PDZD7: variants seen among roughly 807,000 people sequenced by gnomAD.
PDZD7 encodes the protein PDZ domain-containing protein 7.
In PDZD7, 72 loss-of-function variants were observed where a neutral mutation model predicts 84.7. The observed-to-expected ratio is 0.85, with a 90% CI of 0.70 to 1.03. PDZD7 has a LOEUF of 1.03. Among genes scored for constraint, PDZD7 ranks in the 50% least tolerant of loss-of-function variants. The pLI, the probability that PDZD7 is intolerant of heterozygous loss-of-function variation, is 0.00. For synonymous variants in PDZD7, 594 were observed against 580.7 expected, an observed-to-expected ratio of 1.02 and a Z score of -0.33; for missense variants, 1,490 against 1,412.9, an observed-to-expected ratio of 1.05 and a Z score of -0.87.
intron 3 of PDZD7, 149 bp from the exon 4 acceptor site, chr10:101,023,759 A>G (rs1853264401): frequency 7.0e-7 from 1 of 1,423,748 alleles, no homozygotes; most frequent in South Asian, 1.2e-5. Context: ...GTGCCTAGGG[A>G]TCTGTCCCTT....
intron 11 of PDZD7, among the ~76,000 whole-genome samples, chr10:101,012,737 CAGGCAGA>C (rs1367893687): frequency 1.3e-5 from 2 of 152,228 alleles, no homozygotes; most frequent in African/African-American, 4.8e-5. Context: ...CCCCACATCC[CAGGCAGA>C]AGGAAGGAAT....
At chr10:101,022,073 G>C (rs41291480) in intron 5 of PDZD7, 128 bp from the exon 6 acceptor site, 9 of 1,499,202 alleles carry the variant, frequency 6.0e-6, no homozygotes, top group Admixed American at 1.9e-5. Context: ...GGGGCCTCCC[G>C]CCCCCTCCCA....
chr10:101,014,015 AT>A (rs34909819), intron 11 of PDZD7, among the ~76,000 whole-genome samples: 101,901 of 140,808 alleles, frequency 0.72, 36,576 homozygotes, highest in Non-Finnish European at 0.75. Context: ...ATGCCCAGCT[AT>A]TTTTTTTTTT....
rs767620120 is a variant in PDZD7, at chr10:101,023,909, G to C, written c.367+19C>G. On this transcript the variant is annotated intron_variant, in intron 3 of 16. Coordinates refer to ENST00000619208, the MANE Select transcript of PDZD7 (RefSeq NM_001195263.2). Reference sequence around the variant, plus strand: ...AGTCACATCCTAAGCGTGGACTTCAGCCTGGGGGTTCTGCTTACCTGCACT... The same window carrying C: ...AGTCACATCCTAAGCGTGGACTTCACCCTGGGGGTTCTGCTTACCTGCACT... 19 of 1,614,102 alleles carry C rather than the reference G, an allele frequency of 1.2e-5. No individual in the cohort carries two copies. The South Asian group carries it at 2.1e-4, about 18-fold the overall frequency.
In PDZD7 at chr10:101,011,909, GC is replaced by G; in HGVS notation, c.1933+15del. On this transcript the variant is annotated intron_variant, in intron 13 of 16. Coordinates refer to ENST00000619208, the MANE Select transcript of PDZD7 (RefSeq NM_001195263.2). ...GCAGGGCTCAGGACCCAGAAGCCCC[GC>G]CCCCCACTGCTGACCTGCCCTGCTC... The G allele has an allele frequency of 6.5e-7, 1 of 1,549,672 alleles. No individual in the cohort carries two copies. The highest frequency in any genetic ancestry group is 2.4e-5 in the East Asian group (1 of 40,908).
rs1554835356 is a variant in PDZD7, at chr10:101,019,574, C to CTCT, written c.929-358_929-357insAGA. Among the ~76,000 whole-genome samples the CTCT allele has an allele frequency of 3.9e-3, 427 of 110,742 alleles. 5 individuals are homozygous for CTCT. The highest frequency in any genetic ancestry group is 0.017 in the Middle Eastern group (4 of 232). The allele number at this position is 110,742 out of a possible 152,430, so 72.7% of individuals were successfully genotyped here. On this transcript the variant is annotated intron_variant, in intron 7 of 16. Coordinates refer to ENST00000619208, the MANE Select transcript of PDZD7 (RefSeq NM_001195263.2). ...CCTCCTCCTCCTCCTCCTCCTCCTC[C>CTCT]TCCTCCTCCTCCTCTTCTTCTTCTT...
Position 101,016,553 on chromosome 10 carries a change from G to A in PDZD7, c.1523-126C>T, listed in dbSNP as rs1590054115. On this transcript the variant is annotated intron_variant, in intron 9 of 16. Transcript: ENST00000619208. ...AAGTAGGTGGGATAGGGAGGCAAGAGGCCTGGCCCTGAGGGGCTTGAAGGC... is the reference window on the plus strand; with the variant it reads ...AAGTAGGTGGGATAGGGAGGCAAGAAGCCTGGCCCTGAGGGGCTTGAAGGC... The A allele has an allele frequency of 4.0e-6, 4 of 996,868 alleles. No homozygotes were observed. The East Asian group carries it at 1.0e-4, about 26-fold the overall frequency. The allele number at this position is 996,868 out of a possible 1,614,324, so 61.8% of individuals were successfully genotyped here.
At chr10:101,015,445 T>C (rs1306302569) in intron 11 of PDZD7, among the ~76,000 whole-genome samples, 191 bp downstream of exon 11, 1 of 150,708 alleles carries the variant, frequency 6.6e-6, no homozygotes, top group African/African-American at 2.4e-5. Context: ...TTCTAGCTCT[T>C]CTTCCTGTGA....
At position 101,010,742 on chromosome 10, in the gene PDZD7, G is replaced by C. The variant is rs1256494174; in HGVS notation, c.2147C>G (p.Pro716Arg). ...GGCATCTACTGGCACGTCTTGTAGA[G>C]GGGGGATCCCTTTATGGGGGTGGCG... ...APRHPHKGIP[P>R]LQDVPVDAFT... Residue 716 changes from proline to arginine, a missense_variant, in exon 15 of 17, where the codon CCT becomes CGT. Physicochemically the swap from Pro to Arg is moderately radical, Grantham distance 103. Coordinates refer to ENST00000619208, the MANE Select transcript of PDZD7 (RefSeq NM_001195263.2). The C allele has an allele frequency of 4.8e-6, 7 of 1,468,018 alleles. No individual in the cohort carries two copies. The highest frequency in any genetic ancestry group is 6.3e-6 in the Non-Finnish European group (7 of 1,104,094). 90.9% of individuals were successfully genotyped at this position (1,468,018 alleles called of 1,614,324 possible).
intron 11 of PDZD7, 145 bp downstream of exon 11, chr10:101,015,488 GTGT>G (rs1445459879): frequency 1.3e-6 from 1 of 792,468 alleles, no homozygotes; most frequent in Non-Finnish European, 1.9e-6. Flanking sequence ...GTGTGTGTGT[GTGT>G]GACAGGAGTG....
intron 11 of PDZD7, among the ~76,000 whole-genome samples, chr10:101,013,819 G>A (rs1393705846): frequency 2.0e-5 from 3 of 151,558 alleles, no homozygotes; most frequent in East Asian, 1.9e-4. Flanking sequence ...CCTGGGGAGT[G>A]TACAGCGATC....
intron 7 of PDZD7, 93 bp from the exon 8 acceptor site, chr10:101,019,310 A>C (rs1357868767): frequency 2.7e-6 from 4 of 1,476,376 alleles, no homozygotes; most frequent in Non-Finnish European, 3.6e-6. Flanking sequence ...TGGAGGAGGC[A>C]AGGTCAGGCA....
In PDZD7 at chr10:101,017,834, GGAAGGAAAGAAAGAAA is replaced by G. The variant is rs1564632142; in HGVS notation, c.1522+249_1522+264del. 103 of 128,884 alleles carry G rather than the reference GGAAGGAAAGAAAGAAA, an allele frequency of 8.0e-4. 2 individuals carry two copies. The highest frequency in any genetic ancestry group is 4.9e-3 in the South Asian group (61 of 12,346). The allele number at this position is 128,884 out of a possible 1,614,324, so 8.0% of individuals were successfully genotyped here. A position where few individuals can be genotyped will look rare whatever the true frequency, so the allele number is the denominator to read the frequency against. Reference sequence around the variant, plus strand: ...GAAAGAAAGGAAAGAAAGGAAGGAAGGAAGGAAAGAAAGAAAGAAAGAAAGAAAGAAAGAAAGAAAG... The same window carrying G: ...GAAAGAAAGGAAAGAAAGGAAGGAAGGAAAGAAAGAAAGAAAGAAAGAAAG... On this transcript the variant is annotated intron_variant, in intron 9 of 16. Transcript: ENST00000619208.
intron 7 of PDZD7, among the ~76,000 whole-genome samples, chr10:101,019,591 CT>C: frequency 2.1e-5 from 3 of 146,060 alleles, no homozygotes; most frequent in African/African-American, 7.4e-5. Flanking sequence ...TCCTCCTCTT[CT>C]TCTTCTTCTT....
chr10:101,030,343 G>A lies in PDZD7; in HGVS notation c.-124C>T. On this transcript the variant is annotated 5_prime_UTR_variant, in exon 2 of 17. Transcript: ENST00000619208. ...GGGGCTGGGGTCTCAGTAACGTGAAGGCCCTCGCTTGCGATGCCTCTCAGA... is the reference window on the plus strand; with the variant it reads ...GGGGCTGGGGTCTCAGTAACGTGAAAGCCCTCGCTTGCGATGCCTCTCAGA... 1 of 837,308 alleles carries A rather than the reference G, an allele frequency of 1.2e-6. No individual in the cohort carries two copies. The highest frequency in any genetic ancestry group is 2.0e-6 in the Non-Finnish European group (1 of 508,822). The allele number at this position is 837,308 out of a possible 1,614,324, so 51.9% of individuals were successfully genotyped here.
At chr10:101,014,212 C>T (rs72838686) in intron 11 of PDZD7, among the ~76,000 whole-genome samples, 2 of 152,206 alleles carry the variant, frequency 1.3e-5, no homozygotes, top group Non-Finnish European at 2.9e-5. Context: ...AGATGGCTCA[C>T]ATGGGGAGAG....
intron 2 of PDZD7, among the ~76,000 whole-genome samples, chr10:101,029,653 A>G (rs1937951242): frequency 6.6e-6 from 1 of 152,178 alleles, no homozygotes; most frequent in Admixed American, 6.5e-5. Context: ...CACACAATGG[A>G]TCTGGAGAAG....
Position 101,019,070 on chromosome 10 carries a change from C to CG in PDZD7, c.1075dup (p.Arg359ProfsTer51), listed in dbSNP as rs1468614328. 1.9e-6 allele frequency: 3 copies of CG among 1,573,384 alleles called. No individual in the cohort carries two copies. The African/African-American group carries it at 4.0e-5, about 21-fold the overall frequency. ...GTCCGCCCGCCCCCAGCCTGGGCCG[C>CG]GGCTGCCGGGCTCCTCCTGCCCGAG... is the stretch of plus-strand genomic sequence containing the variant. On this transcript the variant is annotated frameshift_variant, in exon 8 of 17. Transcript: ENST00000619208. LOFTEE classifies it high-confidence loss of function.
intron 14 of PDZD7, 101 bp downstream of exon 14, chr10:101,011,589 C>T (rs1432079490): frequency 3.4e-6 from 5 of 1,489,952 alleles, no homozygotes; most frequent in Non-Finnish European, 4.5e-6. Context: ...TGCCTGGAAG[C>T]CACAACTGCC....
Sources: allele counts gnomAD v4.1 joint callset (sites outside exome capture counted in the v4.1 genomes callset), GRCh38; gene constraint gnomAD v4.1.1; transcripts MANE v1.5; gene names NCBI Gene and HGNC (gene_info 2026-07-23, HGNC 2026-07-21).